The following TTN variants were observed in gnomAD, a reference collection of about 807,000 sequenced individuals.
The protein encoded by TTN is titin.
A neutral mutation model predicts 3,223.0 loss-of-function variants in TTN; 1,525 were observed. The observed-to-expected ratio is 0.47, with a 90% confidence interval of 0.45 to 0.49. The LOEUF (loss-of-function observed/expected upper bound fraction) is 0.49, where lower values mean the gene tolerates loss of function less well. Among genes scored for constraint, TTN ranks in the 20% least tolerant of loss-of-function variants. TTN has a pLI of 0.00. For missense variants in TTN, 40,786 were observed against 43,424.0 expected (o/e 0.94, Z 5.40); for synonymous variants, 14,094 against 15,161.0 (o/e 0.93, Z 5.17).
chr2:178,584,163 T>G, intron 311 of TTN, 113 bp downstream of exon 311: 1 of 1,262,852 alleles, frequency 7.9e-7, no homozygotes, highest in Non-Finnish European at 1.1e-6. Context: ...AGTTGTAATC[T>G]TCAGATCTCT....
At chr2:178,585,606 T>C (rs1323239444) in intron 308 of TTN, among the ~76,000 whole-genome samples, 1 of 152,020 alleles carries the variant, frequency 6.6e-6, no homozygotes, top group Non-Finnish European at 1.5e-5. Context: ...TCCCAACCCC[T>C]GACAGGCCCC....
At position 178,563,518 on chromosome 2, in the gene TTN, A is replaced by G. The variant is rs771474614; in HGVS notation, c.82614T>C (p.His27538=). 19 of 1,613,780 alleles carry G rather than the reference A, an allele frequency of 1.2e-5. No homozygotes were observed. The South Asian group carries it at 2.1e-4, about 18-fold the overall frequency. ...CAGCAGCAACTCTGAATTCATAGGAATGGCCTTCGGTAAGACCAGTTACCC... is the reference window on the plus strand; with the variant it reads ...CAGCAGCAACTCTGAATTCATAGGAGTGGCCTTCGGTAAGACCAGTTACCC... The part of the protein sequence containing the change: ...RLRVTGLTEG[H]SYEFRVAAEN... The change falls in exon 326 of 363, where the codon CAT becomes CAC. Residue 27538 remains histidine (H), a synonymous_variant. Coordinates refer to ENST00000589042, the MANE Select transcript of TTN (RefSeq NM_001267550.2). The surrounding 1 kb of genome is among the most constrained non-coding windows in gnomAD (Gnocchi z 4.5).
Position 178,575,506 on chromosome 2 carries a change from CATG to C in TTN, c.70623_70625del (p.Ile23541del). ...GGCTGACGGTGCTCTTAGTTATGTC[CATG>C]ATGTTAAGGCTGTCTGGTGGAGATG... On this transcript the variant is annotated inframe_deletion, in exon 326 of 363. Coordinates refer to ENST00000589042, the MANE Select transcript of TTN (RefSeq NM_001267550.2). This position sits in a 1 kb window ranked among gnomAD's most constrained non-coding sequence, Gnocchi z 4.0. 6.2e-7 allele frequency: 1 copy of C among 1,613,648 alleles called. No individual in the cohort carries two copies. The highest frequency in any genetic ancestry group is 8.5e-7 in the Non-Finnish European group (1 of 1,179,674).
rs1363179107 is a variant in TTN at position 178,782,947 on chromosome 2, T to C, written c.2959A>G (p.Ile987Val). ...YREDYQIESS[I>V]DFQITFQSGI... ...CTCTGGAAGGTTATCTGGAAGTCAA[T>C]GGAACTTTCGATTTGGTAGTCTTCC... Residue 987 changes from isoleucine to valine, a missense_variant, in exon 18 of 363, where the codon ATT (isoleucine) becomes GTT (valine). By Grantham distance (29) the Ile-to-Val change is conservative. Transcript: ENST00000589042. The C allele has an allele frequency of 1.2e-6, 2 of 1,614,164 alleles. No individual in the cohort carries two copies. The highest frequency in any genetic ancestry group is 1.7e-6 in the Non-Finnish European group (2 of 1,180,002).
Position 178,551,509 on chromosome 2 carries a change from G to GT in TTN, c.91270+120dup, listed in dbSNP as rs1410947680. The GT allele has an allele frequency of 1.3e-5, 12 of 921,968 alleles. No individual in the cohort carries two copies. In the East Asian group the frequency reaches 3.2e-4, roughly 25 times the overall value. The allele number at this position is 921,968 out of a possible 1,614,324, so 57.1% of individuals were successfully genotyped here. ...TAATTCCTCTTGCTTTACATGACCAGTTCTCTAGTGACAAGAAGATATGTA... is the reference window on the plus strand; with the variant it reads ...TAATTCCTCTTGCTTTACATGACCAGTTTCTCTAGTGACAAGAAGATATGTA... On this transcript the variant is annotated intron_variant, in intron 335 of 362. Coordinates refer to ENST00000589042, the MANE Select transcript of TTN (RefSeq NM_001267550.2).
At position 178,635,574 on chromosome 2, in the gene TTN, G is replaced by C. The variant is rs754567722; in HGVS notation, c.41750C>G (p.Pro13917Arg). ...FKGYDEIPAE[P>R]NDKTEILRDG... Reference sequence around the variant, plus strand: ...TCTCAGTATTTCAGTCTTATCATTTGGTTCCGCAGGGATTTCATCATATCC... The same window carrying C: ...TCTCAGTATTTCAGTCTTATCATTTCGTTCCGCAGGGATTTCATCATATCC... Residue 13917 changes from proline to arginine, a missense_variant, in exon 227 of 363, where the codon CCA (proline) becomes CGA (arginine). Physicochemically the swap from Pro to Arg is moderately radical, Grantham distance 103. Coordinates refer to ENST00000589042, the MANE Select transcript of TTN (RefSeq NM_001267550.2). The C allele has an allele frequency of 1.0e-5, 16 of 1,593,340 alleles. No homozygotes were observed. The South Asian group carries it at 1.8e-4, about 18-fold the overall frequency.
In TTN at chr2:178,620,755, T is replaced by A. The variant is rs794729439; in HGVS notation, c.45855A>T (p.Arg15285Ser). 1.9e-6 allele frequency: 3 copies of A among 1,612,802 alleles called. No homozygotes were observed. In the South Asian group the frequency reaches 3.3e-5, roughly 18 times the overall value. ...TGGCTGCACTTTTAACATTTTCACCTCTGTGATTGGTCAAAGACACATTAT... is the reference window on the plus strand; with the variant it reads ...TGGCTGCACTTTTAACATTTTCACCACTGTGATTGGTCAAAGACACATTAT... ...ANYNVSLTNH[R>S]GENVKSAANL... The change falls in exon 247 of 363, where the codon AGA becomes AGT. Residue 15285 changes from arginine (R) to serine (S), a missense_variant. By Grantham distance (110) the Arg-to-Ser change is moderately radical (BLOSUM62 -1). Transcript: ENST00000589042.
At chr2:178,584,601 T>C (rs1559529217) in intron 310 of TTN, 23 bp from the exon 311 acceptor site, 4 of 1,610,348 alleles carry the variant, frequency 2.5e-6, no homozygotes, top group South Asian at 1.1e-5. Context: ...ACAAGGAAGA[T>C]GTCAGTTTCT....
At chr2:178,745,238 T>C (rs138356680) in intron 47 of TTN, 2 of 1,094,198 alleles carry the variant, frequency 1.8e-6, no homozygotes, top group South Asian at 3.0e-5. Context: ...TTTGCATATA[T>C]GGTTTATCTG....
rs878948684 is a variant in TTN, at chr2:178,614,543, C to A, written c.48971G>T (p.Ser16324Ile). 6.8e-6 allele frequency: 11 copies of A among 1,612,458 alleles called. No homozygotes were observed. The highest frequency in any genetic ancestry group is 9.3e-6 in the Non-Finnish European group (11 of 1,179,164). The change falls in exon 261 of 363, where the codon AGT becomes ATT. Residue 16324 changes from serine to isoleucine, a missense_variant. Ser to Ile is a moderately radical substitution (Grantham distance 142). Transcript: ENST00000589042. ...STVTIVDSKRSDTGTYIIEAV... is the reference protein window; with the variant it reads ...STVTIVDSKRIDTGTYIIEAV... ...CTCAATGATATATGTGCCAGTGTCA[C>A]TTCTCTTACTATCAACAATAGTCAC... is the stretch of plus-strand genomic sequence containing the variant.
rs761765664 is a variant in TTN, at chr2:178,587,284, G to A, written c.63927C>T (p.Asp21309=). The change falls in exon 307 of 363, where the codon GAC becomes GAT. Residue 21309 remains aspartate, a synonymous_variant. Transcript: ENST00000589042. ...THYIVEKREA[D]RKTWSTVTPE... ...GGGTAACGGTCGACCATGTCTTTCTGTCTGCCTCACGTTTCTCCACGATAT... is the reference window on the plus strand; with the variant it reads ...GGGTAACGGTCGACCATGTCTTTCTATCTGCCTCACGTTTCTCCACGATAT... 5.6e-6 allele frequency: 9 copies of A among 1,612,996 alleles called. No individual in the cohort carries two copies. The highest frequency in any genetic ancestry group is 7.6e-6 in the Non-Finnish European group (9 of 1,179,492).
chr2:178,721,213 A>T lies in TTN; in HGVS notation c.22817-11T>A. ...CAAACTTTGGAGGTTCTAGTAAACC[A>T]AACAAAACAGTCAGTAAGGGATATT... is the stretch of plus-strand genomic sequence containing the variant. On this transcript the variant is annotated splice_polypyrimidine_tract_variant and intron_variant, in intron 78 of 362. Transcript: ENST00000589042. 5.7e-6 allele frequency: 9 copies of T among 1,571,608 alleles called. No individual in the cohort carries two copies. Among genetic ancestry groups the T allele is most frequent in the Non-Finnish European group, 7.8e-6 (9 of 1,156,728 alleles).
chr2:178,557,588 A>G (rs767618990), intron 328 of TTN, 33 bp from the exon 329 acceptor site: 25 of 1,613,106 alleles, frequency 1.5e-5, no homozygotes, highest in Non-Finnish European at 2.0e-5. Context: ...AGATTAGTAC[A>G]GACAATAACA....
intron 71 of TTN, chr2:178,724,785 G>A: frequency 2.9e-6 from 1 of 343,554 alleles, no homozygotes; most frequent in East Asian, 4.7e-5. Context: ...GTCGTCTTAT[G>A]TAGCAATTAT....
chr2:178,612,861 T>A lies in TTN; in HGVS notation c.49860A>T (p.Glu16620Asp). The A allele has an allele frequency of 6.2e-7, 1 of 1,612,542 alleles. No individual in the cohort carries two copies. The highest frequency in any genetic ancestry group is 8.5e-7 in the Non-Finnish European group (1 of 1,179,208). The change falls in exon 265 of 363, where the codon GAA becomes GAT. Residue 16620 changes from glutamate to aspartate, a missense_variant. Glu to Asp is a conservative substitution (Grantham distance 45). Transcript: ENST00000589042. Reference protein sequence around the residue: ...HLLPGLMEGQEYSFRVRAVNK... With the variant: ...HLLPGLMEGQDYSFRVRAVNK... ...TCACAGCTCTAACTCGGAATGAGTA[T>A]TCCTGTCCTTCCATGAGCCCTGGGA... is the stretch of plus-strand genomic sequence containing the variant.
intron 17 of TTN, 83 bp downstream of exon 17, chr2:178,783,637 G>A (rs2154350434): frequency 8.1e-7 from 1 of 1,228,462 alleles, no homozygotes; most frequent in Admixed American, 1.7e-5. Context: ...GTATTAATTT[G>A]AGAAACTGAT....
chr2:178,588,939 A>G lies in TTN; in HGVS notation c.62786T>C (p.Ile20929Thr), dbSNP rs794729471. 3.7e-6 allele frequency: 6 copies of G among 1,612,632 alleles called. No individual in the cohort carries two copies. Among genetic ancestry groups the G allele is most frequent in the African/African-American group, 2.7e-5 (2 of 74,854 alleles). ...LTPGTTVTRL[I>T]EGNEYIFRVR... is the part of the protein sequence containing the mutation. ...TCTGAAAATATATTCATTTCCTTCT[A>G]TGAGACGTGTTACTGTAGTACCAGG... The change falls in exon 304 of 363, where the codon ATA becomes ACA. Residue 20929 changes from isoleucine (I) to threonine (T), a missense_variant. Ile to Thr is a moderately conservative substitution (Grantham distance 89). Coordinates refer to ENST00000589042, the MANE Select transcript of TTN (RefSeq NM_001267550.2).
chr2:178,729,557 G>A lies in TTN; in HGVS notation c.18599C>T (p.Thr6200Ile), dbSNP rs1046417798. Residue 6200 changes from threonine to isoleucine, a missense_variant, in exon 64 of 363, where the codon ACC becomes ATC. Physicochemically the swap from Thr to Ile is moderately conservative, Grantham distance 89. Coordinates refer to ENST00000589042, the MANE Select transcript of TTN (RefSeq NM_001267550.2). ...CACAGGCTTCAGCTCTCTGATAAAG[G>A]TGGGGGGTTCTAAAGATTCAAAAGG... The part of the protein sequence containing the change: ...SIELKVKEPP[T>I]FIRELKPVEV... 1 of 1,612,500 alleles carries A rather than the reference G, an allele frequency of 6.2e-7. No individual in the cohort carries two copies. Among genetic ancestry groups the A allele is most frequent in the Non-Finnish European group, 8.5e-7 (1 of 1,179,064 alleles).
rs1698262497 is a variant in TTN, at chr2:178,548,892, C to T, written c.92734G>A (p.Gly30912Ser). ...AGKGDSCEVT[G>S]TIKAVDRLTA... ...AACCGGTCAACTGCTTTAATTGTGC[C>T]AGTCACTTCACAGCTGTCGCCTTTT... The change falls in exon 339 of 363, where the codon GGC becomes AGC. Residue 30912 changes from glycine to serine, a missense_variant. Coordinates refer to ENST00000589042, the MANE Select transcript of TTN (RefSeq NM_001267550.2). This position sits in a 1 kb window ranked among gnomAD's most constrained non-coding sequence, Gnocchi z 4.3. 2 of 1,613,816 alleles carry T rather than the reference C, an allele frequency of 1.2e-6. No individual in the cohort carries two copies. The highest frequency in any genetic ancestry group is 1.7e-6 in the Non-Finnish European group (2 of 1,179,814).
Sources: gnomAD v4.1 joint callset for allele counts (sites outside exome capture counted in the v4.1 genomes callset) on GRCh38, gnomAD v4.1.1 for gene constraint, Gnocchi (gnomAD v3.1) non-coding constraint, MANE v1.5 for transcripts, NCBI Gene and HGNC (gene_info 2026-07-23, HGNC 2026-07-21) for gene names.